STS: variants seen among roughly 807,000 people sequenced by gnomAD.
The protein encoded by STS is steroid sulfatase, also known as steryl-sulfatase.
Under a neutral mutation model 26.8 loss-of-function variants are expected in STS, and 7 were observed. The ratio of observed to expected loss-of-function variants is 0.26; its 90% confidence interval spans 0.15 to 0.49. The LOEUF is 0.49. STS is among the 20% of genes least tolerant of loss of function. The pLI is 0.98. For missense variants in STS, 434 were observed against 465.6 expected, an observed-to-expected ratio of 0.93 and a Z score of 0.63; for synonymous variants, 199 against 189.4, an observed-to-expected ratio of 1.05 and a Z score of -0.42.
intron 3 of STS, among the ~76,000 whole-genome samples, chrX:7,256,180 C>T (rs1339519444): frequency 9.0e-6 from 1 of 111,729 alleles, no homozygotes; most frequent in East Asian, 2.8e-4. Flanking sequence ...TGGTGAAGGA[C>T]GTGGATATAT....
rs761262808 is a variant in STS, at chrX:7,263,237, T to A, written c.806+3465T>A. Among the ~76,000 whole-genome samples, 25 of 111,286 alleles carry A rather than the reference T, an allele frequency of 2.2e-4. 1 individual carries two copies. The East Asian group carries it at 6.8e-3, about 30-fold the overall frequency. ...GTGTGTGCCACCACGCCCAGCTAAT[T>A]TTTGTATTTTTAATAGAGACAGGGT... On this transcript the variant is annotated intron_variant, in intron 6 of 10. Coordinates refer to ENST00000674429, the MANE Select transcript of STS (RefSeq NM_001320752.2).
chrX:7,205,543 G>C (rs760670317), intron 2 of STS, among the ~76,000 whole-genome samples: 2 of 110,948 alleles, frequency 1.8e-5, no homozygotes, highest in East Asian at 5.6e-4. Context: ...TGTCTGGAGG[G>C]GTTGGCTGGT....
At chrX:7,230,095 G>T (rs745946889) in intron 2 of STS, among the ~76,000 whole-genome samples, 4 of 109,877 alleles carry the variant, frequency 3.6e-5, no homozygotes, top group Non-Finnish European at 5.7e-5. Context: ...TCTATGTTGC[G>T]CAGGCTGGTC....
intron 2 of STS, among the ~76,000 whole-genome samples, chrX:7,200,820 C>T (rs866139435): frequency 5.4e-5 from 6 of 111,758 alleles, no homozygotes; most frequent in South Asian, 3.8e-4. Context: ...CACTTTGCCC[C>T]CTTTCCCCTG....
intron 2 of STS, among the ~76,000 whole-genome samples, chrX:7,238,118 CATG>C (rs1193702620): frequency 1.4e-4 from 8 of 57,426 alleles, no homozygotes; most frequent in East Asian, 1.4e-3. Context: ...AGTAGTATTC[CATG>C]GTGTGTGTGT....
intron 10 of STS, among the ~76,000 whole-genome samples, chrX:7,339,570 A>G (rs1928187070): frequency 8.9e-6 from 1 of 112,574 alleles, no homozygotes; most frequent in Admixed American, 9.4e-5. Context: ...TACAAGGTAC[A>G]ACATTTGTAC....
intron 2 of STS, among the ~76,000 whole-genome samples, chrX:7,193,143 A>G (rs1236293061): frequency 8.9e-6 from 1 of 112,594 alleles, no homozygotes; most frequent in African/African-American, 3.2e-5. Flanking sequence ...TGGAGGCTTA[A>G]AGCCTCAGCT....
At chrX:7,264,986 G>A (rs1923929951) in intron 6 of STS, among the ~76,000 whole-genome samples, 1 of 108,318 alleles carries the variant, frequency 9.2e-6, no homozygotes, top group African/African-American at 3.4e-5. Context: ...TCTTACTAGG[G>A]TGATTGCCCT....
At chrX:7,340,574 C>T in intron 10 of STS, among the ~76,000 whole-genome samples, 1 of 111,731 alleles carries the variant, frequency 9.0e-6, no homozygotes. Context: ...TTACTGTCTG[C>T]CCGACAGTTT....
At chrX:7,210,546 C>T (rs1326117772) in intron 2 of STS, among the ~76,000 whole-genome samples, 2 of 104,888 alleles carry the variant, frequency 1.9e-5, no homozygotes, top group Admixed American at 2.1e-4. Flanking sequence ...ATAATAAACA[C>T]TTAATACATA....
intron 1 of STS, among the ~76,000 whole-genome samples, chrX:7,152,459 A>T (rs1286544610): frequency 9.0e-6 from 1 of 111,455 alleles, no homozygotes; most frequent in Non-Finnish European, 1.9e-5. Flanking sequence ...CTGGGACTAC[A>T]GGTGCCCACC....
chrX:7,335,796 G>A (rs1927990259), intron 10 of STS, among the ~76,000 whole-genome samples: 1 of 111,977 alleles, frequency 8.9e-6, no homozygotes, highest in African/African-American at 3.2e-5. Context: ...TAAGGTGTAA[G>A]GAAGGGATCC....
At chrX:7,258,410 A>G (rs1299913606) in intron 5 of STS, among the ~76,000 whole-genome samples, 4 of 111,772 alleles carry the variant, frequency 3.6e-5, no homozygotes, top group Admixed American at 1.9e-4. Flanking sequence ...AATGAAAGAT[A>G]GACATATACA....
intron 10 of STS, 62 bp from the exon 11 acceptor site, chrX:7,349,826 C>T (rs1928707696): frequency 8.3e-7 from 1 of 1,199,615 alleles, no homozygotes; most frequent in Admixed American, 2.2e-5. Context: ...ATCACTTTTT[C>T]ATTTGTGGTA....
intron 1 of STS, among the ~76,000 whole-genome samples, chrX:7,176,210 A>G (rs772803180): frequency 9.8e-5 from 11 of 111,944 alleles, no homozygotes; most frequent in Non-Finnish European, 1.3e-4. Flanking sequence ...TTTGGCCAAT[A>G]TCCCATGAAT....
chrX:7,149,216 G>A (rs1212489575), intron 1 of STS, among the ~76,000 whole-genome samples: 1 of 109,253 alleles, frequency 9.2e-6, no homozygotes, highest in Non-Finnish European at 1.9e-5. Context: ...GCAATATAGC[G>A]AGACCCTGTT....
intron 1 of STS, among the ~76,000 whole-genome samples, chrX:7,167,761 C>T (rs1933381326): frequency 9.0e-6 from 1 of 111,589 alleles, no homozygotes; most frequent in Admixed American, 9.5e-5. Flanking sequence ...GATCATGGCT[C>T]ACTGCAACCC....
chrX:7,296,725 A>T (rs1925684966), intron 7 of STS, among the ~76,000 whole-genome samples: 1 of 112,590 alleles, frequency 8.9e-6, no homozygotes, highest in Admixed American at 9.4e-5. Flanking sequence ...CCTGGAAAAC[A>T]CACAAGTTAT....
intron 9 of STS, among the ~76,000 whole-genome samples, chrX:7,333,220 A>G (rs1470113763): frequency 2.7e-5 from 3 of 112,418 alleles, no homozygotes; most frequent in Non-Finnish European, 5.6e-5. Context: ...CAATGGCCTA[A>G]TGGTATCATG....
Sources: gnomAD v4.1 joint callset for allele counts (sites outside exome capture counted in the v4.1 genomes callset) on GRCh38, gnomAD v4.1.1 for gene constraint, MANE v1.5 for transcripts, NCBI Gene and HGNC (gene_info 2026-07-23, HGNC 2026-07-21) for gene names.